Variants in NXPE1 observed in about 807,000 individuals in gnomAD.
NXPE1 encodes neurexophilin and PC-esterase domain family member 1.
In NXPE1, 31 loss-of-function variants were observed where a neutral mutation model predicts 33.3. That is an observed-to-expected ratio of 0.93 (90% CI 0.70 to 1.26). NXPE1 has a LOEUF of 1.26. Ranked by LOEUF, NXPE1 falls within the 50% of genes most tolerant of loss-of-function variation. NXPE1 has a pLI of 0.00. For missense variants in NXPE1, 661 were observed against 655.6 expected (o/e 1.01, Z -0.09); for synonymous variants, 229 against 231.4 (o/e 0.99, Z 0.09).
At chr11:114,537,671 C>T (rs1172297163) in intron 5 of NXPE1, among the ~76,000 whole-genome samples, 1 of 152,038 alleles carries the variant, frequency 6.6e-6, no homozygotes, top group African/African-American at 2.4e-5. Flanking sequence ...TGAGTGAACT[C>T]CCATTCACAA....
At chr11:114,542,854 T>A (rs1948147674) in intron 5 of NXPE1, among the ~76,000 whole-genome samples, 1 of 152,210 alleles carries the variant, frequency 6.6e-6, no homozygotes, top group African/African-American at 2.4e-5. Flanking sequence ...AACTAGACCC[T>A]ATGAAGACAT....
Position 114,527,834 on chromosome 11 carries a change from A to G in NXPE1, c.895+6T>C, listed in dbSNP as rs1308868395. On this transcript the variant is annotated splice_donor_region_variant and intron_variant, in intron 7 of 8. Coordinates refer to ENST00000534921, the Ensembl canonical transcript of NXPE1. ...CATCACCTAACTCAGGACAGAGCCAACTTACTGTTACAATTAGTGACATCA... is the reference window on the plus strand; with the variant it reads ...CATCACCTAACTCAGGACAGAGCCAGCTTACTGTTACAATTAGTGACATCA... 2 of 1,603,666 alleles carry G rather than the reference A, an allele frequency of 1.2e-6. No individual in the cohort carries two copies. The highest frequency in any genetic ancestry group is 1.7e-6 in the Non-Finnish European group (2 of 1,174,846).
chr11:114,538,094 G>T (rs1947915849), intron 5 of NXPE1, among the ~76,000 whole-genome samples: 1 of 152,102 alleles, frequency 6.6e-6, no homozygotes, highest in Non-Finnish European at 1.5e-5. Context: ...TAGACCAATG[G>T]AACAGAACAG....
intron 6 of NXPE1, chr11:114,529,013 T>G (rs1451941215): frequency 2.4e-6 from 1 of 411,080 alleles, no homozygotes; most frequent in Non-Finnish European, 4.3e-6. Flanking sequence ...GAGCCAAAAC[T>G]TGGATAATGA....
In NXPE1 at chr11:114,541,528, G is replaced by A. The variant is rs533741104; in HGVS notation, c.99+9575C>T. Among the ~76,000 whole-genome samples the A allele has an allele frequency of 5.3e-5, 8 of 152,300 alleles. No individual in the cohort carries two copies. The East Asian group carries it at 5.8e-4, about 11-fold the overall frequency. ...AGCGACCACGACACGTGACACAGCC[G>A]TCAGGAGGTCCTGAGAACATGTGCC... On this transcript the variant is annotated intron_variant, in intron 5 of 8. Coordinates refer to ENST00000534921, the Ensembl canonical transcript of NXPE1.
intron 6 of NXPE1, chr11:114,529,927 T>A (rs754592935): frequency 4.5e-6 from 2 of 445,134 alleles, no homozygotes; most frequent in Non-Finnish European, 3.9e-6. Flanking sequence ...AGGAATCTTT[T>A]TTTCAGTGGA....
chr11:114,523,902 T>C (rs1947290154), intron 7 of NXPE1, among the ~76,000 whole-genome samples: 1 of 152,212 alleles, frequency 6.6e-6, no homozygotes, highest in African/African-American at 2.4e-5. Context: ...AGGAAACCAG[T>C]TTGAATGCTG....
intron 5 of NXPE1, among the ~76,000 whole-genome samples, chr11:114,541,399 AAAGAT>A (rs1219582104): frequency 6.6e-6 from 1 of 152,222 alleles, no homozygotes; most frequent in Non-Finnish European, 1.5e-5. Flanking sequence ...TAATGAATGG[AAAGAT>A]AAGAAATCTC....
At chr11:114,535,629 A>G (rs1352606497) in intron 5 of NXPE1, among the ~76,000 whole-genome samples, 1 of 152,214 alleles carries the variant, frequency 6.6e-6, no homozygotes, top group African/African-American at 2.4e-5. Flanking sequence ...CAGGGATTGC[A>G]ATCCTAGTCT....
intron 5 of NXPE1, among the ~76,000 whole-genome samples, chr11:114,539,827 G>A (rs1285392435): frequency 6.6e-6 from 1 of 151,874 alleles, no homozygotes; most frequent in African/African-American, 2.4e-5. Flanking sequence ...TTTATTATAG[G>A]TTAATGGTAC....
At chr11:114,549,693 T>A (rs541819805) in intron 5 of NXPE1, among the ~76,000 whole-genome samples, 133 of 152,214 alleles carry the variant, frequency 8.7e-4, no homozygotes, top group African/African-American at 3.0e-3. Context: ...GCCTACTATC[T>A]CATTACTTTC....
intron 5 of NXPE1, among the ~76,000 whole-genome samples, chr11:114,544,631 C>G (rs1326675936): frequency 1.3e-5 from 2 of 152,032 alleles, no homozygotes; most frequent in Non-Finnish European, 2.9e-5. Flanking sequence ...TGGAAGAAAA[C>G]ACACATGAAA....
exon 9 of NXPE1, chr11:114,522,185 TTAA>T (rs1947230238): frequency 1.2e-6 from 2 of 1,613,988 alleles, no homozygotes; most frequent in African/African-American, 2.7e-5. Context: ...GTTTTCTGTC[TTAA>T]TAATCACTTT....
intron 5 of NXPE1, among the ~76,000 whole-genome samples, chr11:114,540,101 G>A (rs968427831): frequency 2.0e-5 from 3 of 152,150 alleles, no homozygotes; most frequent in African/African-American, 4.8e-5. Flanking sequence ...GATTACAGAC[G>A]CCTGCCATCA....
chr11:114,559,234 C>T (rs1948722697), intron 1 of NXPE1, among the ~76,000 whole-genome samples: 1 of 152,160 alleles, frequency 6.6e-6, no homozygotes, highest in African/African-American at 2.4e-5. Flanking sequence ...GGGTGGCCTG[C>T]CCCTGCACCA....
At chr11:114,525,569 C>T (rs563378438) in intron 7 of NXPE1, among the ~76,000 whole-genome samples, 2 of 152,174 alleles carry the variant, frequency 1.3e-5, no homozygotes, top group South Asian at 2.1e-4. Context: ...CTTCCCCCTT[C>T]CCCCCTTACT....
At chr11:114,535,568 A>G (rs184709978) in intron 5 of NXPE1, among the ~76,000 whole-genome samples, 1 of 152,218 alleles carries the variant, frequency 6.6e-6, no homozygotes, top group African/African-American at 2.4e-5. Flanking sequence ...CATAGGCTCA[A>G]AATAAAGGGA....
chr11:114,540,294 C>A (rs565701219), intron 5 of NXPE1, among the ~76,000 whole-genome samples: 1 of 152,308 alleles, frequency 6.6e-6, no homozygotes, highest in South Asian at 2.1e-4. Context: ...ATAAGTTAAA[C>A]TTTGTATATT....
intron 6 of NXPE1, chr11:114,529,383 C>G (rs1162712049): frequency 6.6e-6 from 1 of 152,200 alleles, no homozygotes. Context: ...CTCAAAGTAG[C>G]CCATGAAGGA....
Sources: gnomAD v4.1 joint callset for allele counts (sites outside exome capture counted in the v4.1 genomes callset) on GRCh38, gnomAD v4.1.1 for gene constraint, MANE v1.5 for transcripts, NCBI Gene and HGNC (gene_info 2026-07-23, HGNC 2026-07-21) for gene names.